The following GABRG1 variants were observed in gnomAD, a reference collection of about 807,000 sequenced individuals.
GABRG1 encodes the protein gamma-aminobutyric acid type A receptor subunit gamma1.
A neutral mutation model predicts 49.8 loss-of-function variants in GABRG1; 49 were observed. That is an observed-to-expected ratio of 0.98 (90% CI 0.78 to 1.25). The LOEUF (loss-of-function observed/expected upper bound fraction) is 1.25. Ranked by LOEUF, GABRG1 falls within the 50% of genes most tolerant of loss-of-function variation. The pLI, the probability that GABRG1 is intolerant of heterozygous loss-of-function variation, is 0.00. For missense variants in GABRG1, 552 were observed against 552.3 expected (o/e 1.00, Z 0.01); for synonymous variants, 232 against 185.1 (o/e 1.25, Z -2.06).
intron 5 of GABRG1, among the ~76,000 whole-genome samples, chr4:46,059,517 A>G (rs573859593): frequency 1.3e-5 from 2 of 152,002 alleles, no homozygotes; most frequent in Non-Finnish European, 2.9e-5. Context: ...CCTCCCAAGT[A>G]GCTGAGACCT....
At chr4:46,058,120 G>C (rs914212784) in intron 7 of GABRG1, 97 bp downstream of exon 7, 23 of 1,190,218 alleles carry the variant, frequency 1.9e-5, no homozygotes, top group Non-Finnish European at 2.4e-5. Context: ...CTGTAGTCTA[G>C]AAGAATATAT....
chr4:46,056,392 C>T (rs1718451181), intron 7 of GABRG1, among the ~76,000 whole-genome samples: 1 of 152,002 alleles, frequency 6.6e-6, no homozygotes, highest in Admixed American at 6.6e-5. Context: ...CCTGGAATAT[C>T]TTTCTGCCCA....
chr4:46,050,658 A>G (rs2109396991), intron 8 of GABRG1, among the ~76,000 whole-genome samples: 1 of 151,980 alleles, frequency 6.6e-6, no homozygotes, highest in Non-Finnish European at 1.5e-5. Flanking sequence ...AGGAAGGGTC[A>G]CACGCTTGAG....
At chr4:46,120,829 G>A (rs554745641) in intron 1 of GABRG1, among the ~76,000 whole-genome samples, 1 of 151,672 alleles carries the variant, frequency 6.6e-6, no homozygotes, top group Non-Finnish European at 1.5e-5. Context: ...TTTTCCTGGA[G>A]CTCTTTCAAT....
rs1717624894 is a variant in GABRG1, at chr4:46,038,633, A to C, written c.*2355T>G. ...AGGAAATGAACTGAATCAGCTTTGA[A>C]AAAAAGCTGTATTTGATTTCTTGAG... On this transcript the variant is annotated 3_prime_UTR_variant, in exon 9 of 9. Coordinates refer to ENST00000295452, the MANE Select transcript of GABRG1 (RefSeq NM_173536.4). The C allele has an allele frequency of 1.3e-5, 2 of 151,682 alleles. No homozygotes were observed. The highest frequency in any genetic ancestry group is 1.3e-4 in the Admixed American group (2 of 15,174). The allele number at this position is 151,682 out of a possible 1,614,324, so 9.4% of individuals were successfully genotyped here.
intron 8 of GABRG1, among the ~76,000 whole-genome samples, chr4:46,048,905 A>G (rs1560348596): frequency 6.6e-6 from 1 of 151,896 alleles, no homozygotes; most frequent in Non-Finnish European, 1.5e-5. Flanking sequence ...AAAAAACTGA[A>G]CATTTTGAGA....
At chr4:46,041,407 T>C (rs1717778600) in intron 8 of GABRG1, among the ~76,000 whole-genome samples, 153 bp from the exon 9 acceptor site, 1 of 152,044 alleles carries the variant, frequency 6.6e-6, no homozygotes, top group South Asian at 2.1e-4. Context: ...ACATGTTTTA[T>C]ATTATAATTT....
At chr4:46,041,281 G>T (rs1371721519) in intron 8 of GABRG1, 27 bp from the exon 9 acceptor site, 3 of 1,599,668 alleles carry the variant, frequency 1.9e-6, no homozygotes, top group Admixed American at 1.7e-5. Context: ...ATGAATTTTT[G>T]ACATCAAAAA....
intron 8 of GABRG1, among the ~76,000 whole-genome samples, chr4:46,045,800 C>A (rs1304718229): frequency 4.6e-5 from 7 of 151,918 alleles, no homozygotes; most frequent in Non-Finnish European, 8.8e-5. Flanking sequence ...CTCCTGACCC[C>A]GTGATCTGCC....
rs377481920 is a variant in GABRG1, at chr4:46,118,132, G to GTGTGTATATATATA, written c.104+5677_104+5678insTATATATATACACA. On this transcript the variant is annotated intron_variant, in intron 1 of 8. Coordinates refer to ENST00000295452, the MANE Select transcript of GABRG1 (RefSeq NM_173536.4). ...TATATACATATATACGTGTGTGTGTGTATATATATATATACAGCTACAGTA... is the reference window on the plus strand; with the variant it reads ...TATATACATATATACGTGTGTGTGTGTGTGTATATATATATATATATATATATACAGCTACAGTA... Among the ~76,000 whole-genome samples the GTGTGTATATATATA allele has an allele frequency of 1.5e-4, 17 of 109,984 alleles. 5 individuals carry two copies. The highest frequency in any genetic ancestry group is 7.8e-4 in the African/African-American group (14 of 17,862). 72.2% of individuals were successfully genotyped at this position (109,984 alleles called of 152,430 possible).
At chr4:46,111,895 A>G (rs770613981) in intron 1 of GABRG1, among the ~76,000 whole-genome samples, 2 of 151,308 alleles carry the variant, frequency 1.3e-5, no homozygotes, top group Admixed American at 6.6e-5. Flanking sequence ...ATCCTACAAG[A>G]AAACCTAGGA....
intron 1 of GABRG1, among the ~76,000 whole-genome samples, chr4:46,104,053 A>G (rs1381972791): frequency 6.6e-6 from 1 of 151,396 alleles, no homozygotes; most frequent in Non-Finnish European, 1.5e-5. Context: ...ATATTAAAAA[A>G]TAAGGAAACT....
intron 1 of GABRG1, among the ~76,000 whole-genome samples, chr4:46,098,325 TAAC>T (rs1332806394): frequency 6.6e-6 from 1 of 151,766 alleles, no homozygotes; most frequent in Non-Finnish European, 1.5e-5. Flanking sequence ...ATTCTAGACT[TAAC>T]AACACACCCA....
At chr4:46,092,844 C>G (rs1720035965) in intron 2 of GABRG1, among the ~76,000 whole-genome samples, 1 of 148,808 alleles carries the variant, frequency 6.7e-6, no homozygotes, top group South Asian at 2.1e-4. Context: ...GGTGGGTCAC[C>G]TGAGGTCAGG....
intron 3 of GABRG1, among the ~76,000 whole-genome samples, chr4:46,075,770 T>C (rs1719304173): frequency 6.6e-6 from 1 of 152,058 alleles, no homozygotes; most frequent in Admixed American, 6.6e-5. Flanking sequence ...TTCCAGGACA[T>C]TTAAGTGCAT....
At chr4:46,091,052 A>G (rs755159834) in intron 2 of GABRG1, among the ~76,000 whole-genome samples, 5 of 151,704 alleles carry the variant, frequency 3.3e-5, no homozygotes, top group Non-Finnish European at 7.4e-5. Flanking sequence ...GCTGTTTCCT[A>G]AATTGTACGT....
In GABRG1 at chr4:46,051,627, C is replaced by A. The variant is rs773764348; in HGVS notation, c.928G>T (p.Val310Phe). ...GTACTCAGGGTTGTCATAGTCAGAA[C>A]TGTAGTGATACCTATAGAGAGAGGA... ...PARTSLGITT[V>F]LTMTTLSTIA... The change falls in exon 8 of 9, where the codon GTT becomes TTT. Residue 310 changes from valine to phenylalanine, a missense_variant. Physicochemically the swap from Val to Phe is conservative, Grantham distance 50. Transcript: ENST00000295452. The A allele has an allele frequency of 1.2e-5, 19 of 1,600,800 alleles. No homozygotes were observed. In the East Asian group the frequency reaches 4.0e-4, roughly 34 times the overall value.
chr4:46,122,353 C>A (rs1406729649), intron 1 of GABRG1, among the ~76,000 whole-genome samples: 1 of 152,084 alleles, frequency 6.6e-6, no homozygotes, highest in Non-Finnish European at 1.5e-5. Flanking sequence ...CAGAAAACTA[C>A]TGTAAATCTG....
chr4:46,050,246 T>C (rs1198120173), intron 8 of GABRG1, among the ~76,000 whole-genome samples: 1 of 151,944 alleles, frequency 6.6e-6, no homozygotes, highest in Non-Finnish European at 1.5e-5. Context: ...ACAATGCAAG[T>C]TATCAAATTT....
Sources: gnomAD v4.1 joint callset for allele counts (sites outside exome capture counted in the v4.1 genomes callset) on GRCh38, gnomAD v4.1.1 for gene constraint, MANE v1.5 for transcripts, NCBI Gene and HGNC (gene_info 2026-07-23, HGNC 2026-07-21) for gene names.